Variants in MALRD1 observed in about 807,000 individuals in gnomAD.
MALRD1 encodes the protein MAM and LDL-receptor class A domain-containing protein 1.
Under a neutral mutation model 242.1 loss-of-function variants are expected in MALRD1, and 247 were observed. That is an observed-to-expected ratio of 1.02 (90% CI 0.92 to 1.13). The LOEUF (loss-of-function observed/expected upper bound fraction) is 1.13. Ranked by LOEUF, MALRD1 falls within the 50% of genes most tolerant of loss-of-function variation. The probability of loss-of-function intolerance (pLI) is 0.00; values close to 1 mark genes in which losing one functional copy is unlikely to be tolerated. For synonymous variants in MALRD1, 995 were observed against 866.6 expected (o/e 1.15, Z -2.60); for missense variants, 2,989 against 2,533.1 (o/e 1.18, Z -3.86).
chr10:19,379,520 C>T (rs1845750060), intron 26 of MALRD1, among the ~76,000 whole-genome samples: 1 of 152,100 alleles, frequency 6.6e-6, no homozygotes, highest in African/African-American at 2.4e-5. Flanking sequence ...ACTATAACTA[C>T]TGTTGTTATT....
At chr10:19,693,744 C>G (rs1833220268) in intron 38 of MALRD1, among the ~76,000 whole-genome samples, 1 of 152,070 alleles carries the variant, frequency 6.6e-6, no homozygotes, top group Non-Finnish European at 1.5e-5. Flanking sequence ...TCATATGGAA[C>G]CAAAAAAGAG....
chr10:19,690,522 T>C (rs1262037402), intron 36 of MALRD1, among the ~76,000 whole-genome samples: 1 of 152,088 alleles, frequency 6.6e-6, no homozygotes, highest in Non-Finnish European at 1.5e-5. Context: ...GGTTTATTTC[T>C]CACCAAATCT....
intron 21 of MALRD1, among the ~76,000 whole-genome samples, chr10:19,301,732 G>A (rs963222352): frequency 1.8e-4 from 27 of 151,586 alleles, no homozygotes; most frequent in African/African-American, 6.3e-4. Flanking sequence ...GTGGGAGGAG[G>A]GCGAGGATTG....
intron 18 of MALRD1, among the ~76,000 whole-genome samples, chr10:19,223,153 C>T (rs116862722): frequency 0.048 from 7,228 of 152,090 alleles, 269 homozygotes; most frequent in Non-Finnish European, 0.071. Flanking sequence ...AACATTAAAA[C>T]GATATTTCTA....
intron 36 of MALRD1, among the ~76,000 whole-genome samples, chr10:19,626,271 A>G (rs1187309249): frequency 6.7e-6 from 1 of 150,298 alleles, no homozygotes; most frequent in Non-Finnish European, 1.5e-5. Context: ...AAAAAACTGA[A>G]GGCATTTTCC....
intron 34 of MALRD1, among the ~76,000 whole-genome samples, chr10:19,601,376 G>T (rs1248603480): frequency 6.6e-6 from 1 of 151,858 alleles, no homozygotes; most frequent in Non-Finnish European, 1.5e-5. Flanking sequence ...AAATGGCTCA[G>T]ATTATTTTCC....
intron 34 of MALRD1, among the ~76,000 whole-genome samples, chr10:19,600,381 C>T (rs1051463805): frequency 6.6e-6 from 1 of 152,124 alleles, no homozygotes; most frequent in Non-Finnish European, 1.5e-5. Flanking sequence ...TGGTAGAGTG[C>T]ATAATACACA....
At chr10:19,371,805 A>G (rs537893777) in intron 26 of MALRD1, among the ~76,000 whole-genome samples, 2 of 152,310 alleles carry the variant, frequency 1.3e-5, no homozygotes, top group Non-Finnish European at 2.9e-5. Context: ...TGTATTTTCT[A>G]TCACTATAAT....
chr10:19,357,888 CA>C (rs1844705334), intron 26 of MALRD1, among the ~76,000 whole-genome samples: 1 of 151,902 alleles, frequency 6.6e-6, no homozygotes, highest in South Asian at 2.1e-4. Flanking sequence ...TAGGAAGATG[CA>C]ATTGAGCAGA....
intron 36 of MALRD1, among the ~76,000 whole-genome samples, chr10:19,671,344 A>G (rs1342195303): frequency 6.6e-6 from 1 of 152,210 alleles, no homozygotes; most frequent in Non-Finnish European, 1.5e-5. Flanking sequence ...TTGGCCAGGC[A>G]CGGTGACTCA....
At chr10:19,657,692 A>C (rs1284180361) in intron 36 of MALRD1, among the ~76,000 whole-genome samples, 3 of 152,166 alleles carry the variant, frequency 2.0e-5, no homozygotes, top group Non-Finnish European at 4.4e-5. Flanking sequence ...TTTTGAGATA[A>C]ACAACCAATT....
intron 26 of MALRD1, among the ~76,000 whole-genome samples, chr10:19,359,111 A>T (rs1043162800): frequency 6.6e-6 from 1 of 152,176 alleles, no homozygotes; most frequent in African/African-American, 2.4e-5. Flanking sequence ...AACCTTACAA[A>T]ACAGAACTGA....
intron 38 of MALRD1, among the ~76,000 whole-genome samples, chr10:19,724,457 T>C (rs1834920121): frequency 6.6e-6 from 1 of 152,224 alleles, no homozygotes; most frequent in Non-Finnish European, 1.5e-5. Flanking sequence ...AGCAGGAACA[T>C]TGTGCTGTCA....
At chr10:19,183,600 C>T (rs756897707) in intron 14 of MALRD1, among the ~76,000 whole-genome samples, 1 of 152,112 alleles carries the variant, frequency 6.6e-6, no homozygotes, top group Non-Finnish European at 1.5e-5. Context: ...TTCTTTTTTA[C>T]ATGAGACTGA....
intron 39 of MALRD1, among the ~76,000 whole-genome samples, chr10:19,731,492 T>G (rs962582889): frequency 4.1e-5 from 6 of 146,900 alleles, no homozygotes; most frequent in African/African-American, 1.5e-4. Context: ...ATAGTTTACT[T>G]TGTGTGTGTG....
At chr10:19,378,884 T>C (rs1845716568) in intron 26 of MALRD1, among the ~76,000 whole-genome samples, 1 of 152,140 alleles carries the variant, frequency 6.6e-6, no homozygotes, top group Non-Finnish European at 1.5e-5. Flanking sequence ...GTTGGGTTAC[T>C]ATTCTTTCTG....
At chr10:19,388,792 G>T (rs571152338) in intron 27 of MALRD1, among the ~76,000 whole-genome samples, 1 of 149,766 alleles carries the variant, frequency 6.7e-6, no homozygotes, top group African/African-American at 2.4e-5. Flanking sequence ...GGAATAAAGG[G>T]CAGTAGCAGA....
chr10:19,399,948 T>C (rs756634852), intron 28 of MALRD1, among the ~76,000 whole-genome samples: 3 of 152,180 alleles, frequency 2.0e-5, no homozygotes, highest in Non-Finnish European at 2.9e-5. Flanking sequence ...CAGTTTGGGA[T>C]ATACTATGCC....
At chr10:19,531,486 G>A in intron 32 of MALRD1, 135 bp downstream of exon 32, 8 of 864,372 alleles carry the variant, frequency 9.3e-6, no homozygotes, top group Non-Finnish European at 1.3e-5. Context: ...ATTTCTTTCT[G>A]GGGCAGTGGG....
Sources: allele counts gnomAD v4.1 joint callset (sites outside exome capture counted in the v4.1 genomes callset), GRCh38; gene constraint gnomAD v4.1.1; transcripts MANE v1.5; gene names NCBI Gene and HGNC (gene_info 2026-07-23, HGNC 2026-07-21).